Variants in ZNF385D observed in about 807,000 individuals in gnomAD.
ZNF385D encodes the protein zinc finger protein 385D, also known as zinc finger protein 659.
ZNF385D carries 15 observed loss-of-function variants against 35.8 expected under a neutral mutation model. The ratio of observed to expected loss-of-function variants is 0.42; its 90% confidence interval spans 0.28 to 0.64. The LOEUF (loss-of-function observed/expected upper bound fraction) is 0.64, where lower values mean the gene tolerates loss of function less well. Among genes scored for constraint, ZNF385D ranks in the 30% least tolerant of loss-of-function variants. The pLI, the probability that ZNF385D is intolerant of heterozygous loss-of-function variation, is 0.23. For missense variants in ZNF385D, 474 were observed against 494.6 expected (o/e 0.96, Z 0.39); for synonymous variants, 212 against 186.8 (o/e 1.13, Z -1.10).
chr3:22,251,099 A>G (rs947141047), intron 2 of ZNF385D, among the ~76,000 whole-genome samples: 5 of 152,148 alleles, frequency 3.3e-5, no homozygotes, highest in African/African-American at 1.2e-4. Flanking sequence ...CAATTTCAGT[A>G]TTTATTCAGG....
chr3:22,336,917 A>AAAAAAAAAAAAG lies in ZNF385D; in HGVS notation c.106+35532_106+35533insCTTTTTTTTTTT, dbSNP rs1695189208. Reference sequence around the variant, plus strand: ...TGCAAACAGTGATTTTTCAAAAAAAAAAAAAAAAAAAAAAAAAAAACCCTT... The same window carrying AAAAAAAAAAAAG: ...TGCAAACAGTGATTTTTCAAAAAAAAAAAAAAAAAAAGAAAAAAAAAAAAAAAAAAAACCCTT... On this transcript the variant is annotated intron_variant, in intron 2 of 5. Coordinates refer to the ZNF385D transcript ENST00000494108. Among the ~76,000 whole-genome samples the AAAAAAAAAAAAG allele has an allele frequency of 1.5e-5, 2 of 137,266 alleles. 1 individual carries two copies. Among genetic ancestry groups the AAAAAAAAAAAAG allele is most frequent in the South Asian group, 4.6e-4 (2 of 4,326 alleles). 90.1% of individuals were successfully genotyped at this position (137,266 alleles called of 152,430 possible).
intron 2 of ZNF385D, among the ~76,000 whole-genome samples, chr3:21,617,814 T>A (rs1218520838): frequency 6.6e-6 from 1 of 152,066 alleles, no homozygotes; most frequent in Non-Finnish European, 1.5e-5. Flanking sequence ...GAACACTGGG[T>A]GAGGAGTGAG....
At chr3:22,232,236 T>C (rs1411909937) in intron 2 of ZNF385D, among the ~76,000 whole-genome samples, 1 of 152,136 alleles carries the variant, frequency 6.6e-6, no homozygotes, top group Non-Finnish European at 1.5e-5. Flanking sequence ...CAAATGTTGC[T>C]AGTATAACTA....
rs151185506 is a variant in ZNF385D at position 21,471,295 on chromosome 3, T to TCACA, written c.440-34096_440-34093dup. Among the ~76,000 whole-genome samples the TCACA allele has an allele frequency of 3.5e-3, 303 of 86,260 alleles. 4 individuals carry two copies. The highest frequency in any genetic ancestry group is 0.035 in the East Asian group (126 of 3,626). 56.6% of individuals were successfully genotyped at this position (86,260 alleles called of 152,430 possible). Reference sequence around the variant, plus strand: ...CTCTTTCTCTCTCTCTCTCTCTCTCTCACACACACACACACACACACACAC... The same window carrying TCACA: ...CTCTTTCTCTCTCTCTCTCTCTCTCTCACACACACACACACACACACACACACAC... On this transcript the variant is annotated intron_variant, in intron 4 of 7. Coordinates refer to ENST00000281523, the MANE Select transcript of ZNF385D (RefSeq NM_024697.3).
chr3:21,548,616 G>A (rs2062461794), intron 3 of ZNF385D, among the ~76,000 whole-genome samples: 1 of 152,128 alleles, frequency 6.6e-6, no homozygotes, highest in Non-Finnish European at 1.5e-5. Context: ...TCCTTTAAGT[G>A]GCTCTCAATT....
At chr3:22,142,898 G>GTAAC (rs1253757718) in intron 3 of ZNF385D, among the ~76,000 whole-genome samples, 1 of 151,924 alleles carries the variant, frequency 6.6e-6, no homozygotes, top group Non-Finnish European at 1.5e-5. Flanking sequence ...AATAGCAATA[G>GTAAC]TAACCCTCAC....
chr3:22,110,343 G>A (rs930793527), intron 3 of ZNF385D, among the ~76,000 whole-genome samples: 3 of 151,790 alleles, frequency 2.0e-5, no homozygotes, highest in African/African-American at 7.3e-5. Context: ...GCACACATAT[G>A]TTTATTGCGG....
intron 1 of ZNF385D, among the ~76,000 whole-genome samples, chr3:21,708,535 T>C (rs1026113056): frequency 2.0e-5 from 3 of 152,310 alleles, no homozygotes; most frequent in Admixed American, 2.0e-4. Context: ...CCCATGGACA[T>C]TCCTCACCCA....
intron 2 of ZNF385D, among the ~76,000 whole-genome samples, chr3:22,338,311 T>C (rs1695262342): frequency 6.6e-6 from 1 of 152,178 alleles, no homozygotes; most frequent in Non-Finnish European, 1.5e-5. Context: ...TTTTGGTGAG[T>C]ATATGATTTC....
At chr3:21,536,534 T>A (rs1021041060) in intron 3 of ZNF385D, among the ~76,000 whole-genome samples, 1 of 152,100 alleles carries the variant, frequency 6.6e-6, no homozygotes, top group African/African-American at 2.4e-5. Context: ...TGTATATAAC[T>A]GGCAAGCATC....
At chr3:22,033,890 C>T (rs1166100053) in intron 3 of ZNF385D, among the ~76,000 whole-genome samples, 1 of 152,120 alleles carries the variant, frequency 6.6e-6, no homozygotes, top group Non-Finnish European at 1.5e-5. Context: ...GTTACCAATT[C>T]ATCCTACTTC....
intron 3 of ZNF385D, among the ~76,000 whole-genome samples, chr3:21,954,954 T>G (rs1350584336): frequency 6.6e-6 from 1 of 152,144 alleles, no homozygotes; most frequent in Admixed American, 6.6e-5. Flanking sequence ...CAAGGCTGTC[T>G]AGCCTTCGAA....
intron 3 of ZNF385D, among the ~76,000 whole-genome samples, chr3:21,938,014 G>A (rs1180497824): frequency 6.6e-6 from 1 of 152,152 alleles, no homozygotes; most frequent in Non-Finnish European, 1.5e-5. Context: ...ATATAACACA[G>A]TGCGAAATCT....
intron 3 of ZNF385D, among the ~76,000 whole-genome samples, chr3:21,951,733 T>C (rs1445783568): frequency 1.3e-5 from 2 of 151,668 alleles, no homozygotes; most frequent in East Asian, 1.9e-4. Flanking sequence ...CTATACATAC[T>C]GAAATAAACC....
rs544851994 is a variant in ZNF385D, at chr3:22,239,711, G to C, written c.107-70676C>G. On this transcript the variant is annotated intron_variant, in intron 2 of 5. Transcript: ENST00000494108. ...TAAACAGTGTGCTAGCCAATATCTA[G>C]ATTAAGTGCAAATTCAAGTATGAAT... 1.2e-4 allele frequency among the ~76,000 whole-genome samples: 18 copies of C among 151,014 alleles called. 4 individuals carry two copies. The highest frequency in any genetic ancestry group is 4.4e-4 in the African/African-American group (18 of 40,862).
Position 22,273,024 on chromosome 3 carries a change from G to A in ZNF385D, c.106+99426C>T, listed in dbSNP as rs534086787. Among the ~76,000 whole-genome samples the A allele has an allele frequency of 5.9e-5, 9 of 151,482 alleles. No individual in the cohort carries two copies. The East Asian group carries it at 1.8e-3, about 29-fold the overall frequency. On this transcript the variant is annotated intron_variant, in intron 2 of 5. Coordinates refer to the ZNF385D transcript ENST00000494108. ...TAGCATGCTTTTATGCTATAACTAG[G>A]ATCATTATTTAACTCACAAATTTTA...
chr3:21,590,579 G>T (rs2063945828), intron 2 of ZNF385D, among the ~76,000 whole-genome samples: 1 of 151,994 alleles, frequency 6.6e-6, no homozygotes. Flanking sequence ...GTTTTTATCT[G>T]TTGAATTTTC....
At chr3:21,919,155 G>A (rs1700333852) in intron 3 of ZNF385D, among the ~76,000 whole-genome samples, 1 of 152,124 alleles carries the variant, frequency 6.6e-6, no homozygotes, top group South Asian at 2.1e-4. Context: ...GAATGTTGAA[G>A]GACAATGTTA....
chr3:21,594,792 C>A (rs1255691235), intron 2 of ZNF385D, among the ~76,000 whole-genome samples: 16 of 152,144 alleles, frequency 1.1e-4, no homozygotes, highest in Admixed American at 1.0e-3. Context: ...TTCATATCTG[C>A]TGGCCATGAC....
Sources: allele counts gnomAD v4.1 joint callset (sites outside exome capture counted in the v4.1 genomes callset), GRCh38; gene constraint gnomAD v4.1.1; transcripts MANE v1.5; gene names NCBI Gene and HGNC (gene_info 2026-07-23, HGNC 2026-07-21).